The following AK9 variants were observed in gnomAD, a reference collection of about 807,000 sequenced individuals.
The protein encoded by AK9 is adenylate kinase domain containing 1.
AK9 carries 191 observed loss-of-function variants against 239.6 expected under a neutral mutation model. That is an observed-to-expected ratio of 0.80 (90% CI 0.71 to 0.90). The LOEUF (loss-of-function observed/expected upper bound fraction) is 0.90. Ranked by LOEUF, AK9 falls within the 40% of genes least tolerant of loss-of-function variation. AK9 has a pLI of 0.00. For synonymous variants in AK9, 689 were observed against 721.0 expected (o/e 0.96, Z 0.71); for missense variants, 1,995 against 2,214.7 (o/e 0.90, Z 1.99).
intron 1 of AK9, among the ~76,000 whole-genome samples, chr6:109,684,424 T>C (rs1773146819): frequency 1.3e-5 from 2 of 152,168 alleles, no homozygotes; most frequent in South Asian, 4.1e-4. Flanking sequence ...AAAGAGGTTC[T>C]GCACAGCAAA....
rs373061600 is a variant in AK9 at position 109,571,992 on chromosome 6, G to T, written c.2344+1450C>A. Among the ~76,000 whole-genome samples, 27 of 152,270 alleles carry T rather than the reference G, an allele frequency of 1.8e-4. No individual in the cohort carries two copies. In the Middle Eastern group the frequency reaches 0.01, roughly 58 times the overall value. On this transcript the variant is annotated intron_variant, in intron 21 of 40. Transcript: ENST00000424296. ...TCCATCCTAGACTTACTGAACCAGA[G>T]CCTGCATAGAGCTCAGAGGCTTACC... is the stretch of plus-strand genomic sequence containing the variant.
chr6:109,605,838 T>G (rs897065048), intron 17 of AK9, among the ~76,000 whole-genome samples: 4 of 152,126 alleles, frequency 2.6e-5, no homozygotes, highest in African/African-American at 9.7e-5. Context: ...AGGTGATTCC[T>G]TAGTTGGGAT....
At chr6:109,650,236 G>A (rs1283233602) in intron 8 of AK9, among the ~76,000 whole-genome samples, 1 of 151,294 alleles carries the variant, frequency 6.6e-6, no homozygotes, top group African/African-American at 2.4e-5. Flanking sequence ...TTGACAAATG[G>A]AATCTAATTA....
chr6:109,599,085 T>C (rs1483009940), intron 17 of AK9, among the ~76,000 whole-genome samples: 9 of 152,276 alleles, frequency 5.9e-5, no homozygotes, highest in African/African-American at 1.9e-4. Flanking sequence ...TTAATTAGAT[T>C]CCATTAGTCA....
intron 28 of AK9, among the ~76,000 whole-genome samples, chr6:109,529,451 G>C (rs1780953073): frequency 6.6e-6 from 1 of 152,140 alleles, no homozygotes; most frequent in Non-Finnish European, 1.5e-5. Flanking sequence ...GCCTACCATA[G>C]CGATCCCCAA....
chr6:109,499,982 G>A (rs971081760), intron 35 of AK9, among the ~76,000 whole-genome samples: 3 of 146,570 alleles, frequency 2.0e-5, no homozygotes, highest in African/African-American at 7.6e-5. Flanking sequence ...TTTATCTATT[G>A]GTGAATGTTT....
intron 1 of AK9, among the ~76,000 whole-genome samples, chr6:109,678,972 G>A (rs1421181730): frequency 2.0e-5 from 3 of 152,218 alleles, no homozygotes; most frequent in African/African-American, 4.8e-5. Flanking sequence ...CAGACCAGGA[G>A]ATTCCCTCTG....
At chr6:109,614,533 C>T (rs1364874687) in intron 13 of AK9, 53 bp from the exon 14 acceptor site, 1 of 1,444,544 alleles carries the variant, frequency 6.9e-7, no homozygotes, top group East Asian at 2.5e-5. Flanking sequence ...GATAGAAAAA[C>T]AGGTAGAGTG....
At chr6:109,613,054 C>G (rs1482210610) in intron 15 of AK9, among the ~76,000 whole-genome samples, 1 of 149,512 alleles carries the variant, frequency 6.7e-6, no homozygotes, top group Non-Finnish European at 1.5e-5. Context: ...ATCAATCAAT[C>G]CTCTCAATCA....
At chr6:109,606,680 A>G (rs1197926946) in intron 17 of AK9, among the ~76,000 whole-genome samples, 1 of 152,196 alleles carries the variant, frequency 6.6e-6, no homozygotes, top group Non-Finnish European at 1.5e-5. Context: ...GCTTCACTCA[A>G]CAAAACTGCT....
At chr6:109,605,722 C>T (rs1482296008) in intron 17 of AK9, among the ~76,000 whole-genome samples, 1 of 152,100 alleles carries the variant, frequency 6.6e-6, no homozygotes, top group Admixed American at 6.6e-5. Flanking sequence ...AGTTCAGGAA[C>T]ATTCAAAGCT....
At position 109,579,530 on chromosome 6, in the gene AK9, T is replaced by A. The variant is rs1788549860; in HGVS notation, c.2191+20A>T. The A allele has an allele frequency of 1.3e-6, 2 of 1,544,776 alleles. No individual in the cohort carries two copies. The highest frequency in any genetic ancestry group is 1.8e-6 in the Non-Finnish European group (2 of 1,141,550). Reference sequence around the variant, plus strand: ...TAACAATACCATGACACATCATCAGTCATAGCAATCTGTGCTTGCCTTTTG... The same window carrying A: ...TAACAATACCATGACACATCATCAGACATAGCAATCTGTGCTTGCCTTTTG... On this transcript the variant is annotated intron_variant, in intron 20 of 40. Coordinates refer to ENST00000424296, the MANE Select transcript of AK9 (RefSeq NM_001145128.3).
At chr6:109,600,321 A>G (rs1459895395) in intron 17 of AK9, among the ~76,000 whole-genome samples, 1 of 152,212 alleles carries the variant, frequency 6.6e-6, no homozygotes, top group Non-Finnish European at 1.5e-5. Flanking sequence ...CCTTTTCCGC[A>G]TCTATTGAGA....
At chr6:109,504,376 AT>A (rs1172152872) in intron 35 of AK9, among the ~76,000 whole-genome samples, 4 of 152,194 alleles carry the variant, frequency 2.6e-5, no homozygotes, top group Non-Finnish European at 4.4e-5. Flanking sequence ...AAAATAAAAA[AT>A]AAAATTAAAG....
chr6:109,638,439 A>T (rs1222342908), intron 10 of AK9, among the ~76,000 whole-genome samples: 1 of 152,118 alleles, frequency 6.6e-6, no homozygotes, highest in Admixed American at 6.5e-5. Flanking sequence ...TTAAAATTTG[A>T]ATTATGTCTA....
chr6:109,531,041 CAAAAG>C (rs528231327), intron 28 of AK9, among the ~76,000 whole-genome samples: 7 of 144,404 alleles, frequency 4.8e-5, no homozygotes, highest in South Asian at 2.4e-4. Context: ...GACTCCGTCT[CAAAAG>C]AAAAGAAAAG....
intron 26 of AK9, among the ~76,000 whole-genome samples, chr6:109,543,741 C>A (rs1783183212): frequency 6.6e-6 from 1 of 151,954 alleles, no homozygotes; most frequent in Non-Finnish European, 1.5e-5. Flanking sequence ...AGCGACCGTG[C>A]CTGTCCCGAT....
intron 3 of AK9, 63 bp from the exon 4 acceptor site, chr6:109,672,230 A>G: frequency 7.3e-7 from 1 of 1,362,582 alleles, no homozygotes; most frequent in South Asian, 1.2e-5. Flanking sequence ...TAAGAAACAC[A>G]TTCTAGTGTC....
In AK9 at chr6:109,688,038, G is replaced by A. The variant is rs79637620; in HGVS notation, c.-12+3109C>T. On this transcript the variant is annotated intron_variant, in intron 1 of 40. Coordinates refer to ENST00000424296, the MANE Select transcript of AK9 (RefSeq NM_001145128.3). ...AGTAGGCATGGTGGCAGGGATGAAG[G>A]TGATGAAGGATAGGCATGGGCTCAT... Among the ~76,000 whole-genome samples the A allele has an allele frequency of 4.5e-4, 69 of 152,278 alleles. No homozygotes were observed. In the East Asian group the frequency reaches 6.6e-3, roughly 15 times the overall value.
Sources: allele counts gnomAD v4.1 joint callset (sites outside exome capture counted in the v4.1 genomes callset), GRCh38; gene constraint gnomAD v4.1.1; transcripts MANE v1.5; gene names NCBI Gene and HGNC (gene_info 2026-07-23, HGNC 2026-07-21).